The following HP1BP3 variants were observed in gnomAD, a reference collection of about 807,000 sequenced individuals.
The protein encoded by HP1BP3 is heterochromatin protein 1-binding protein 3.
Under a neutral mutation model 62.5 loss-of-function variants are expected in HP1BP3, and 12 were observed. That is an observed-to-expected ratio of 0.19 (90% CI 0.12 to 0.31). HP1BP3 has a LOEUF of 0.31. HP1BP3 is among the 10% of genes least tolerant of loss of function. HP1BP3 has a pLI of 1.00. For missense variants in HP1BP3, 502 were observed against 651.8 expected (o/e 0.77, Z 2.50); for synonymous variants, 260 against 237.8 (o/e 1.09, Z -0.86).
intron 8 of HP1BP3, among the ~76,000 whole-genome samples, chr1:20,758,223 CATACT>C (rs2056241702): frequency 6.6e-6 from 1 of 152,162 alleles, no homozygotes; most frequent in African/African-American, 2.4e-5. Flanking sequence ...CTGTAATGGT[CATACT>C]ATGAGAAGCT....
chr1:20,779,711 G>GAAAAAAAAAAAA (rs200327876), intron 3 of HP1BP3, 101 bp downstream of exon 3: 1 of 467,740 alleles, frequency 2.1e-6, no homozygotes. Flanking sequence ...ACTTAGCCAT[G>GAAAAAAAAAAAA]AAAAAAAAAA....
At chr1:20,762,520 C>T (rs892130647) in intron 8 of HP1BP3, among the ~76,000 whole-genome samples, 24 of 152,220 alleles carry the variant, frequency 1.6e-4, no homozygotes, top group African/African-American at 5.1e-4. Context: ...ATCACGAATC[C>T]CCTAATCACA....
chr1:20,784,675 A>AC (rs1332081259), intron 1 of HP1BP3, among the ~76,000 whole-genome samples: 2 of 151,714 alleles, frequency 1.3e-5, no homozygotes, highest in South Asian at 2.1e-4. Flanking sequence ...ACGGGGTTTC[A>AC]CCGTGTTAGC....
At position 20,761,994 on chromosome 1, in the gene HP1BP3, T is replaced by G. The variant is rs111541857; in HGVS notation, c.890+3383A>C. 5.9e-5 allele frequency among the ~76,000 whole-genome samples: 9 copies of G among 152,160 alleles called. No homozygotes were observed. In the South Asian group the frequency reaches 1.9e-3, roughly 32 times the overall value. On this transcript the variant is annotated intron_variant, in intron 8 of 12. Coordinates refer to ENST00000438032, the MANE Select transcript of HP1BP3 (RefSeq NM_001372052.1). ...GACAGAAAATATTCAGGTAAAGTGG[T>G]GGGGATAAAGTCTGACTAAAGTGGA...
At chr1:20,757,374 T>TATTATTA (rs58898561) in intron 8 of HP1BP3, 118 bp from the exon 9 acceptor site, 1 of 279,120 alleles carries the variant, frequency 3.6e-6, no homozygotes, top group Non-Finnish European at 5.9e-6. Context: ...TTATTATTAT[T>TATTATTA]TTTTTTTTTT....
At chr1:20,763,971 C>A (rs552880618) in intron 8 of HP1BP3, among the ~76,000 whole-genome samples, 8 of 151,848 alleles carry the variant, frequency 5.3e-5, no homozygotes, top group Middle Eastern at 3.4e-3. Context: ...GGATTACAGG[C>A]GTGAGCCACC....
At chr1:20,785,545 T>C (rs1015905250) in intron 1 of HP1BP3, among the ~76,000 whole-genome samples, 3 of 152,212 alleles carry the variant, frequency 2.0e-5, no homozygotes, top group Non-Finnish European at 4.4e-5. Flanking sequence ...CACCACTTGT[T>C]TTTCATTTTC....
At chr1:20,772,219 A>G (rs984262262) in intron 5 of HP1BP3, among the ~76,000 whole-genome samples, 30 of 152,382 alleles carry the variant, frequency 2.0e-4, no homozygotes, top group Admixed American at 7.8e-4. Context: ...CCATGGTCTG[A>G]AACAATAATT....
At chr1:20,765,704 C>G (rs1010945851) in intron 7 of HP1BP3, among the ~76,000 whole-genome samples, 173 bp from the exon 8 acceptor site, 1 of 152,176 alleles carries the variant, frequency 6.6e-6, no homozygotes, top group African/African-American at 2.4e-5. Flanking sequence ...GGTGTGGTGG[C>G]TCACACCTGT....
chr1:20,747,501 A>C (rs1570541675), intron 11 of HP1BP3, 43 bp downstream of exon 11: 1 of 1,175,488 alleles, frequency 8.5e-7, no homozygotes, highest in East Asian at 2.5e-5. Flanking sequence ...TGTGTAACTT[A>C]GACTATAAAT....
At chr1:20,781,620 T>C (rs1335052198) in intron 1 of HP1BP3, among the ~76,000 whole-genome samples, 1 of 152,212 alleles carries the variant, frequency 6.6e-6, no homozygotes, top group Admixed American at 6.5e-5. Flanking sequence ...TATCCATTAA[T>C]ATTAAATTTT....
chr1:20,770,224 T>C (rs2056993886), intron 6 of HP1BP3, among the ~76,000 whole-genome samples: 1 of 152,216 alleles, frequency 6.6e-6, no homozygotes, highest in African/African-American at 2.4e-5. Context: ...TCAGTTAAGG[T>C]GAGCACATTT....
In HP1BP3 at chr1:20,780,271, C is replaced by T. The variant is rs2057484706; in HGVS notation, c.96+74G>A. On this transcript the variant is annotated intron_variant, in intron 2 of 12. Transcript: ENST00000438032. The stretch of plus-strand genomic sequence containing the variant: ...CCCAAAGTAAGGGAAGGAACATGTA[C>T]CAAGAAGGACCCAGCAGGGCCTGAA... The T allele has an allele frequency of 3.8e-6, 4 of 1,059,622 alleles. No individual in the cohort carries two copies. The South Asian group carries it at 5.1e-5, about 13-fold the overall frequency. The allele number at this position is 1,059,622 out of a possible 1,614,324, so 65.6% of individuals were successfully genotyped here. A position where few individuals can be genotyped will look rare whatever the true frequency, so the allele number is the denominator to read the frequency against.
intron 1 of HP1BP3, among the ~76,000 whole-genome samples, chr1:20,783,730 A>G (rs2057681198): frequency 7.5e-6 from 1 of 132,822 alleles, no homozygotes; most frequent in Admixed American, 8.9e-5. Flanking sequence ...AGATCATGCC[A>G]CTGCACTCCA....
chr1:20,764,354 T>C (rs957817545), intron 8 of HP1BP3, among the ~76,000 whole-genome samples: 2 of 151,894 alleles, frequency 1.3e-5, no homozygotes, highest in African/African-American at 4.8e-5. Context: ...CTTATGGTTT[T>C]TTTTTTGAGA....
intron 1 of HP1BP3, among the ~76,000 whole-genome samples, chr1:20,785,226 T>C (rs1183200664): frequency 6.6e-6 from 1 of 152,206 alleles, no homozygotes; most frequent in African/African-American, 2.4e-5. Flanking sequence ...ATTATTTGAA[T>C]GCAAGCAATA....
At chr1:20,785,199 A>C (rs1214510090) in intron 1 of HP1BP3, among the ~76,000 whole-genome samples, 2 of 152,250 alleles carry the variant, frequency 1.3e-5, no homozygotes, top group Non-Finnish European at 2.9e-5. Flanking sequence ...GGTGTGAGCC[A>C]CCATGCACGG....
Position 20,744,641 on chromosome 1 carries a change from A to G in HP1BP3, c.*156T>C, listed in dbSNP as rs2055194809. On this transcript the variant is annotated 3_prime_UTR_variant, in exon 13 of 13. Coordinates refer to ENST00000438032, the MANE Select transcript of HP1BP3 (RefSeq NM_001372052.1). ...ACCAATAAAAGCACCTAAAGCTAGC[A>G]AATGCCTAAACTGGTTTATTTAGAG... is the stretch of plus-strand genomic sequence containing the variant. 1 of 677,582 alleles carries G rather than the reference A, an allele frequency of 1.5e-6. No homozygotes were observed. Among genetic ancestry groups the G allele is most frequent in the African/African-American group, 1.8e-5 (1 of 55,148 alleles). 42.0% of individuals were successfully genotyped at this position (677,582 alleles called of 1,614,324 possible). A position where few individuals can be genotyped will look rare whatever the true frequency, so the allele number is the denominator to read the frequency against.
intron 8 of HP1BP3, among the ~76,000 whole-genome samples, chr1:20,761,097 T>C (rs1056646001): frequency 6.6e-6 from 1 of 152,096 alleles, no homozygotes; most frequent in Non-Finnish European, 1.5e-5. Flanking sequence ...CAGGCTGGAG[T>C]GCAGTGGTGT....
Sources: allele counts gnomAD v4.1 joint callset (sites outside exome capture counted in the v4.1 genomes callset), GRCh38; gene constraint gnomAD v4.1.1; transcripts MANE v1.5; gene names NCBI Gene and HGNC (gene_info 2026-07-23, HGNC 2026-07-21).